GLCCI1: variants seen among roughly 807,000 people sequenced by gnomAD.
The protein encoded by GLCCI1 is glucocorticoid-induced transcript 1 protein.
In GLCCI1, 24 loss-of-function variants were observed where a neutral mutation model predicts 52.2. The ratio of observed to expected loss-of-function variants is 0.46; its 90% CI spans 0.33 to 0.65. GLCCI1 has a LOEUF of 0.65. Ranked by LOEUF, GLCCI1 falls within the 30% of genes least tolerant of loss-of-function variation. GLCCI1 has a pLI of 0.02. For synonymous variants in GLCCI1, 310 were observed against 276.5 expected, an observed-to-expected ratio of 1.12 and a Z score of -1.20; for missense variants, 704 against 701.5, an observed-to-expected ratio of 1.00 and a Z score of -0.04.
chr7:8,048,552 G>A (rs17142375), intron 3 of GLCCI1, among the ~76,000 whole-genome samples: 25,989 of 151,940 alleles, frequency 0.17, 2,747 homozygotes, highest in African/African-American at 0.29. Flanking sequence ...TAATTATGGG[G>A]AACATACATG....
At chr7:8,021,146 G>A (rs10235744) in intron 2 of GLCCI1, among the ~76,000 whole-genome samples, 3,384 of 152,160 alleles carry the variant, frequency 0.022, 136 homozygotes, top group African/African-American at 0.078. Context: ...CTTTTAAGAC[G>A]TGGTGATTAT....
chr7:7,986,375 A>C (rs1375599239), intron 1 of GLCCI1, among the ~76,000 whole-genome samples: 1 of 79,852 alleles, frequency 1.3e-5, no homozygotes, highest in South Asian at 3.4e-4. Context: ...AGCCGGGAGC[A>C]GGGGGAGGGG....
intron 3 of GLCCI1, among the ~76,000 whole-genome samples, chr7:8,045,503 A>G (rs948426891): frequency 1.3e-5 from 2 of 152,194 alleles, no homozygotes; most frequent in African/African-American, 4.8e-5. Context: ...AAGAGAACCA[A>G]AAGTATTCTG....
chr7:8,005,717 A>G (rs550159188), intron 2 of GLCCI1, among the ~76,000 whole-genome samples: 1 of 152,274 alleles, frequency 6.6e-6, no homozygotes, highest in Non-Finnish European at 1.5e-5. Context: ...TTCTTTTTAG[A>G]TTACCAAACC....
At chr7:8,004,780 A>G (rs535652388) in intron 2 of GLCCI1, among the ~76,000 whole-genome samples, 144 of 152,348 alleles carry the variant, frequency 9.5e-4, no homozygotes, top group African/African-American at 3.3e-3. Context: ...ACAGTGTATA[A>G]TTCGACGTTA....
intron 3 of GLCCI1, among the ~76,000 whole-genome samples, chr7:8,036,086 C>T (rs969071330): frequency 3.3e-5 from 5 of 152,182 alleles, no homozygotes; most frequent in African/African-American, 9.7e-5. Flanking sequence ...CTGTAGCTGG[C>T]CTTTACACAT....
At position 7,984,516 on chromosome 7, in the gene GLCCI1, C is replaced by T. The variant is rs533491658; in HGVS notation, c.457+14709C>T. On this transcript the variant is annotated intron_variant, in intron 1 of 7. Coordinates refer to ENST00000223145, the MANE Select transcript of GLCCI1 (RefSeq NM_138426.4). ...AATTATATATTAATTTGAACTTCAT[C>T]GTAATGTAAAAACTTTAAACTGTAA... Among the ~76,000 whole-genome samples the T allele has an allele frequency of 5.9e-5, 9 of 152,284 alleles. 1 individual carries two copies. In the East Asian group the frequency reaches 1.2e-3, roughly 20 times the overall value.
chr7:7,990,826 A>C (rs1426189518), intron 1 of GLCCI1, among the ~76,000 whole-genome samples: 1 of 152,084 alleles, frequency 6.6e-6, no homozygotes, highest in Non-Finnish European at 1.5e-5. Context: ...GTGTTTCCGT[A>C]TTTCTGAAGC....
At chr7:7,978,510 TTTC>T in intron 1 of GLCCI1, among the ~76,000 whole-genome samples, 1 of 152,302 alleles carries the variant, frequency 6.6e-6, no homozygotes, top group East Asian at 1.9e-4. Flanking sequence ...ATTTTAATAA[TTTC>T]TTCTGGGGTG....
intron 1 of GLCCI1, among the ~76,000 whole-genome samples, chr7:7,995,913 A>G (rs1780929398): frequency 6.6e-6 from 1 of 152,200 alleles, no homozygotes; most frequent in East Asian, 1.9e-4. Flanking sequence ...AAAAAATAAA[A>G]TAAATTTTAA....
intron 1 of GLCCI1, among the ~76,000 whole-genome samples, chr7:7,984,241 AT>A (rs1780677342): frequency 6.6e-6 from 1 of 152,004 alleles, no homozygotes; most frequent in Non-Finnish European, 1.5e-5. Flanking sequence ...TTTAATTTTT[AT>A]AGAGACGTGG....
chr7:8,002,108 A>G (rs896245515), intron 1 of GLCCI1, among the ~76,000 whole-genome samples: 1 of 151,812 alleles, frequency 6.6e-6, no homozygotes, highest in African/African-American at 2.4e-5. Context: ...TAAAAAAAGG[A>G]AAAAAAAGGA....
At chr7:8,029,553 G>A (rs1781699852) in intron 3 of GLCCI1, among the ~76,000 whole-genome samples, 1 of 152,170 alleles carries the variant, frequency 6.6e-6, no homozygotes, top group South Asian at 2.1e-4. Flanking sequence ...AGTACTGGAA[G>A]TCTTAGCTGG....
chr7:8,052,709 G>A (rs748458024), intron 3 of GLCCI1, among the ~76,000 whole-genome samples: 7 of 152,174 alleles, frequency 4.6e-5, no homozygotes, highest in East Asian at 1.9e-4. Flanking sequence ...TGCTTGTATC[G>A]CGGTGCAGTG....
chr7:8,054,469 T>C (rs1782340821), intron 3 of GLCCI1, among the ~76,000 whole-genome samples: 1 of 152,162 alleles, frequency 6.6e-6, no homozygotes, highest in South Asian at 2.1e-4. Flanking sequence ...TTTATTTTCT[T>C]CTATATTGTT....
At chr7:7,976,294 C>G (rs1247482249) in intron 1 of GLCCI1, among the ~76,000 whole-genome samples, 1 of 151,586 alleles carries the variant, frequency 6.6e-6, no homozygotes, top group African/African-American at 2.4e-5. Context: ...GCTTGGCCAA[C>G]ATGGTGAAAC....
intron 3 of GLCCI1, among the ~76,000 whole-genome samples, chr7:8,049,879 G>C (rs916383969): frequency 1.3e-5 from 2 of 152,156 alleles, no homozygotes; most frequent in Non-Finnish European, 2.9e-5. Flanking sequence ...CTTTGTTTTT[G>C]AGTTTTTCTC....
At chr7:8,036,439 AAG>A (rs745891282) in intron 3 of GLCCI1, among the ~76,000 whole-genome samples, 1 of 152,236 alleles carries the variant, frequency 6.6e-6, no homozygotes, top group Non-Finnish European at 1.5e-5. Flanking sequence ...CAAAAATAAG[AAG>A]AGAGAGTTTA....
chr7:8,024,063 T>G (rs1781559749), intron 3 of GLCCI1, among the ~76,000 whole-genome samples: 1 of 152,084 alleles, frequency 6.6e-6, no homozygotes, highest in Admixed American at 6.5e-5. Context: ...AGTCTAAGTC[T>G]TTTAAAGGCT....
Sources: allele counts gnomAD v4.1 joint callset (sites outside exome capture counted in the v4.1 genomes callset), GRCh38; gene constraint gnomAD v4.1.1; transcripts MANE v1.5; gene names NCBI Gene and HGNC (gene_info 2026-07-23, HGNC 2026-07-21).